Variants in SHISA9 observed in about 807,000 individuals in gnomAD.
SHISA9 encodes the protein protein shisa-9.
SHISA9 carries 13 observed loss-of-function variants against 38.0 expected under a neutral mutation model. The ratio of observed to expected loss-of-function variants is 0.34; its 90% CI spans 0.22 to 0.54. The LOEUF (loss-of-function observed/expected upper bound fraction) is 0.54, where lower values mean the gene tolerates loss of function less well. Among genes scored for constraint, SHISA9 ranks in the 20% least tolerant of loss-of-function variants. SHISA9 has a pLI of 0.91. For missense variants in SHISA9, 538 were observed against 575.8 expected (o/e 0.93, Z 0.67); for synonymous variants, 275 against 242.0 (o/e 1.14, Z -1.27).
At chr16:13,114,096 C>T (rs995969957) in intron 2 of SHISA9, among the ~76,000 whole-genome samples, 1 of 152,114 alleles carries the variant, frequency 6.6e-6, no homozygotes, top group African/African-American at 2.4e-5. Flanking sequence ...AATTAGCAAA[C>T]TCACAATATT....
chr16:13,016,511 C>T (rs150880240), intron 2 of SHISA9, among the ~76,000 whole-genome samples: 1 of 152,268 alleles, frequency 6.6e-6, no homozygotes, highest in South Asian at 2.1e-4. Context: ...AATATTAATG[C>T]CTCTGGGAAG....
chr16:13,059,393 C>T (rs565818396), intron 2 of SHISA9, among the ~76,000 whole-genome samples: 2 of 152,080 alleles, frequency 1.3e-5, no homozygotes, highest in African/African-American at 2.4e-5. Context: ...TCCCAAAGTG[C>T]TGGGATTACA....
chr16:13,140,133 TCCC>T (rs2050388051), intron 2 of SHISA9, among the ~76,000 whole-genome samples: 1 of 13,958 alleles, frequency 7.2e-5, no homozygotes, highest in African/African-American at 2.7e-4. Context: ...TCCCTTCCCT[TCCC>T]TTCCCTCCCC....
chr16:13,341,965 T>C, the SHISA9 span, among the ~76,000 whole-genome samples: 3 of 152,166 alleles, frequency 2.0e-5, no homozygotes, highest in Non-Finnish European at 4.4e-5. Flanking sequence ...GGCATCTCTT[T>C]GCTTCTTTCC....
intron 2 of SHISA9, among the ~76,000 whole-genome samples, chr16:12,994,955 CAA>C (rs1329143855): frequency 1.3e-5 from 2 of 151,914 alleles, no homozygotes; most frequent in African/African-American, 4.8e-5. Context: ...TTTGGGCTCA[CAA>C]GAGAGTTCTG....
chr16:13,461,525 G>C, the SHISA9 span, among the ~76,000 whole-genome samples: 2 of 150,424 alleles, frequency 1.3e-5, no homozygotes, highest in East Asian at 3.9e-4. Context: ...GTTGTAGCGA[G>C]CCGAGACTGT....
At chr16:13,126,976 G>GGAGA (rs547504510) in intron 2 of SHISA9, among the ~76,000 whole-genome samples, 51 of 139,582 alleles carry the variant, frequency 3.7e-4, no homozygotes, top group Non-Finnish European at 7.5e-4. Flanking sequence ...AATGAGAGAA[G>GGAGA]GAGAGAGAGA....
intron 2 of SHISA9, among the ~76,000 whole-genome samples, chr16:13,045,891 G>C (rs1033320945): frequency 6.6e-6 from 1 of 152,088 alleles, no homozygotes; most frequent in Admixed American, 6.6e-5. Flanking sequence ...ATTTCAAGAC[G>C]GTCAGGCCTA....
intron 1 of SHISA9, among the ~76,000 whole-genome samples, chr16:12,903,786 C>T (rs571026908): frequency 2.0e-5 from 3 of 152,254 alleles, no homozygotes; most frequent in South Asian, 4.2e-4. Context: ...TTCCGCGCCC[C>T]CTCTGCCGGG....
chr16:13,206,923 C>T (rs2051070596), intron 3 of SHISA9, among the ~76,000 whole-genome samples: 1 of 152,214 alleles, frequency 6.6e-6, no homozygotes, highest in Non-Finnish European at 1.5e-5. Flanking sequence ...GCATCTTTGC[C>T]AGTGTAACTG....
Position 13,044,458 on chromosome 16 carries a change from G to A in SHISA9, c.691+127643G>A, listed in dbSNP as rs1028338227. Among the ~76,000 whole-genome samples, 3 of 152,312 alleles carry A rather than the reference G, an allele frequency of 2.0e-5. No homozygotes were observed. The South Asian group carries it at 6.2e-4, about 32-fold the overall frequency. ...TTACAAGACAAATGTTTTATTGAGT[G>A]CCTAATAAGTGTTGGCCATAGGGGA... On this transcript the variant is annotated intron_variant, in intron 2 of 4. Coordinates refer to ENST00000558583, the MANE Select transcript of SHISA9 (RefSeq NM_001145204.3).
At chr16:13,031,976 G>GT (rs1051181385) in intron 2 of SHISA9, among the ~76,000 whole-genome samples, 3 of 151,714 alleles carry the variant, frequency 2.0e-5, no homozygotes, top group African/African-American at 7.3e-5. Context: ...CCCACATCTG[G>GT]TGTTGCAACT....
the SHISA9 span, among the ~76,000 whole-genome samples, chr16:13,434,034 G>A: frequency 1.3e-5 from 2 of 152,192 alleles, no homozygotes; most frequent in Non-Finnish European, 2.9e-5. Context: ...CCCAGTACGA[G>A]TCCCAAAACC....
the SHISA9 span, among the ~76,000 whole-genome samples, chr16:13,445,947 C>CT: frequency 3.2e-3 from 481 of 150,272 alleles, 3 homozygotes; most frequent in Non-Finnish European, 5.1e-3. Context: ...TTGCCTAGTA[C>CT]TTTTTTTTTT....
chr16:12,941,539 C>T (rs2071611792), intron 2 of SHISA9, among the ~76,000 whole-genome samples: 1 of 152,190 alleles, frequency 6.6e-6, no homozygotes, highest in South Asian at 2.1e-4. Flanking sequence ...TCCAATTATA[C>T]TCCTTCAGTT....
At chr16:13,309,551 G>A in the SHISA9 span, among the ~76,000 whole-genome samples, 1 of 150,222 alleles carries the variant, frequency 6.7e-6, no homozygotes, top group African/African-American at 2.4e-5. Flanking sequence ...GCTGAGGCAT[G>A]ACGATCACTT....
At chr16:13,114,219 C>G (rs1396540358) in intron 2 of SHISA9, among the ~76,000 whole-genome samples, 2 of 152,070 alleles carry the variant, frequency 1.3e-5, no homozygotes, top group African/African-American at 4.8e-5. Flanking sequence ...GTAATCCCAG[C>G]ACTTTGGGAG....
chr16:13,104,826 TGA>T (rs1464186612), intron 2 of SHISA9, among the ~76,000 whole-genome samples: 17 of 152,372 alleles, frequency 1.1e-4, no homozygotes, highest in African/African-American at 3.8e-4. Context: ...TTACAATGTG[TGA>T]GTTTTATGGT....
At chr16:13,532,025 C>T in the SHISA9 span, among the ~76,000 whole-genome samples, 1 of 152,150 alleles carries the variant, frequency 6.6e-6, no homozygotes, top group Admixed American at 6.5e-5. Context: ...ATTTAAATCC[C>T]CTTTTCTGCC....
Sources: allele counts gnomAD v4.1 joint callset (sites outside exome capture counted in the v4.1 genomes callset), GRCh38; gene constraint gnomAD v4.1.1; transcripts MANE v1.5; gene names NCBI Gene and HGNC (gene_info 2026-07-23, HGNC 2026-07-21).